Variants in EML6 observed in about 807,000 individuals in gnomAD.
EML6 encodes the protein EMAP like 6.
A neutral mutation model predicts 240.1 loss-of-function variants in EML6; 154 were observed. That is an observed-to-expected ratio of 0.64 (90% CI 0.56 to 0.73). The LOEUF (loss-of-function observed/expected upper bound fraction) is 0.73. EML6 is among the 30% of genes least tolerant of loss of function. The pLI, the probability that EML6 is intolerant of heterozygous loss-of-function variation, is 0.00. For synonymous variants in EML6, 1,148 were observed against 899.0 expected, an observed-to-expected ratio of 1.28 and a Z score of -4.95; for missense variants, 2,964 against 2,474.6, an observed-to-expected ratio of 1.20 and a Z score of -4.20.
At chr2:54,961,255 A>C (rs938786301) in intron 35 of EML6, among the ~76,000 whole-genome samples, 1 of 134,120 alleles carries the variant, frequency 7.5e-6, no homozygotes, top group Non-Finnish European at 1.5e-5. Flanking sequence ...CATGATCTCA[A>C]CTCACTGCAA....
chr2:54,923,594 G>A (rs1674381434), intron 26 of EML6, among the ~76,000 whole-genome samples: 2 of 152,052 alleles, frequency 1.3e-5, no homozygotes, highest in African/African-American at 2.4e-5. Flanking sequence ...GTTTCATCAT[G>A]CATATTACTA....
At chr2:54,757,753 C>T (rs1667804583) in intron 2 of EML6, among the ~76,000 whole-genome samples, 1 of 152,126 alleles carries the variant, frequency 6.6e-6, no homozygotes, top group Non-Finnish European at 1.5e-5. Flanking sequence ...TGAGCCTTTC[C>T]AGGTTTCCGG....
chr2:54,773,007 C>G (rs1668460662), intron 2 of EML6, among the ~76,000 whole-genome samples: 1 of 152,214 alleles, frequency 6.6e-6, no homozygotes, highest in Non-Finnish European at 1.5e-5. Context: ...ACTGACCTTT[C>G]CTTCTGTCCT....
rs759655982 is a variant in EML6 at position 54,950,696 on chromosome 2, G to A, written c.4130G>A (p.Arg1377Gln). Residue 1377 changes from arginine (R) to glutamine (Q), a missense_variant, in exon 30 of 42, where the codon CGA becomes CAA. By Grantham distance (43) the Arg-to-Gln change is conservative. Transcript: ENST00000356458. ...TTTGGCTACAGAGGTTTCGACTGTC[G>A]AAATAACCTGCATTACCTTAATGAT... ...HVFGYRGFDCRNNLHYLNDGA... is the reference protein window; with the variant it reads ...HVFGYRGFDCQNNLHYLNDGA... The A allele has an allele frequency of 9.0e-6, 14 of 1,551,450 alleles. No individual in the cohort carries two copies. The highest frequency in any genetic ancestry group is 4.1e-5 in the African/African-American group (3 of 73,014).
rs910948972 is a variant in EML6 at position 54,846,090 on chromosome 2, G to A, written c.1050-1396G>A. 1.1e-4 allele frequency among the ~76,000 whole-genome samples: 16 copies of A among 152,288 alleles called. 1 individual carries two copies. In the South Asian group the frequency reaches 3.3e-3, roughly 32 times the overall value. On this transcript the variant is annotated intron_variant, in intron 8 of 41. Coordinates refer to ENST00000356458, the MANE Select transcript of EML6 (RefSeq NM_001039753.4). The stretch of plus-strand genomic sequence containing the variant: ...GTTTGCTGAAAGCTTTGTTTGAGCT[G>A]CAATTGCCCCTCGTTTGCCACTTCT...
chr2:54,752,119 A>G (rs149377612), intron 2 of EML6, among the ~76,000 whole-genome samples: 5 of 152,268 alleles, frequency 3.3e-5, no homozygotes, highest in Admixed American at 2.0e-4. Context: ...TTTAAATTAC[A>G]TGCTCTACTT....
chr2:54,847,747 A>G lies in EML6; in HGVS notation c.1187+124A>G, dbSNP rs1382838205. ...ATTTAGCCATTCAAATAGGAATACT[A>G]TAGATCTACGATCCCCTATCTGTAA... is the stretch of plus-strand genomic sequence containing the variant. On this transcript the variant is annotated intron_variant, in intron 9 of 41. Transcript: ENST00000356458. The G allele has an allele frequency of 4.7e-5, 44 of 945,452 alleles. 1 individual carries two copies. Among genetic ancestry groups the G allele is most frequent in the African/African-American group, 1.4e-4 (7 of 51,830 alleles). 58.6% of individuals were successfully genotyped at this position (945,452 alleles called of 1,614,324 possible). A position where few individuals can be genotyped will look rare whatever the true frequency, so the allele number is the denominator to read the frequency against.
At chr2:54,826,822 A>G (rs751511623) in intron 5 of EML6, among the ~76,000 whole-genome samples, 4 of 152,230 alleles carry the variant, frequency 2.6e-5, no homozygotes, top group African/African-American at 9.6e-5. Flanking sequence ...CATTTCTACA[A>G]TGAAGATTTA....
intron 2 of EML6, among the ~76,000 whole-genome samples, chr2:54,730,492 C>G (rs558462615): frequency 1.3e-5 from 2 of 152,300 alleles, no homozygotes; most frequent in East Asian, 3.9e-4. Flanking sequence ...GTACCAGACA[C>G]TTCATGTATA....
In EML6 at chr2:54,864,773, C is replaced by G. The variant is rs546286474; in HGVS notation, c.1932+884C>G. ...GATAACAATGCTTACCTAGGCTTAT[C>G]TCCAAAGTGCACATTCTATGCACTA... On this transcript the variant is annotated intron_variant, in intron 13 of 41. Coordinates refer to ENST00000356458, the MANE Select transcript of EML6 (RefSeq NM_001039753.4). Among the ~76,000 whole-genome samples, 248 of 152,344 alleles carry G rather than the reference C, an allele frequency of 1.6e-3. 1 individual carries two copies. The highest frequency in any genetic ancestry group is 4.1e-3 in the Admixed American group (63 of 15,306).
chr2:54,945,384 C>G (rs1226587867), intron 28 of EML6, among the ~76,000 whole-genome samples: 2 of 150,778 alleles, frequency 1.3e-5, no homozygotes, highest in African/African-American at 4.9e-5. Flanking sequence ...CTGAAGAAAG[C>G]TGTTTCCTCC....
chr2:54,866,844 A>G lies in EML6; in HGVS notation c.2011A>G (p.Lys671Glu). 6.4e-7 allele frequency: 1 copy of G among 1,551,216 alleles called. No homozygotes were observed. ...NHAVPFLKRE[K>E]APEDSLKLQF... ...CGCAGTGCCCTTCCTCAAACGAGAAAAGGCTCCTGAGGACAGCTTGAAACT... is the reference window on the plus strand; with the variant it reads ...CGCAGTGCCCTTCCTCAAACGAGAAGAGGCTCCTGAGGACAGCTTGAAACT... Residue 671 changes from lysine (K) to glutamate (E), a missense_variant, in exon 14 of 42, where the codon AAG becomes GAG. Lys to Glu is a moderately conservative substitution (Grantham distance 56). Transcript: ENST00000356458.
At chr2:54,771,777 A>G (rs1442411022) in intron 2 of EML6, among the ~76,000 whole-genome samples, 2 of 152,226 alleles carry the variant, frequency 1.3e-5, no homozygotes, top group Non-Finnish European at 2.9e-5. Flanking sequence ...ATGATTATAC[A>G]CTGGGCAGCA....
chr2:54,912,704 C>G (rs1338250037), intron 25 of EML6, among the ~76,000 whole-genome samples: 1 of 152,204 alleles, frequency 6.6e-6, no homozygotes. Context: ...ATAATGGCTT[C>G]TAGCTACATC....
At chr2:54,799,650 G>C (rs936758328) in intron 2 of EML6, among the ~76,000 whole-genome samples, 1 of 152,164 alleles carries the variant, frequency 6.6e-6, no homozygotes. Context: ...GCTGTGCATG[G>C]TTGCTTTCAT....
chr2:54,928,223 C>G (rs918781962), intron 26 of EML6, 90 bp from the exon 27 acceptor site: 2 of 1,018,428 alleles, frequency 2.0e-6, no homozygotes, highest in Non-Finnish European at 3.0e-6. Flanking sequence ...GAACTGTTTC[C>G]TTTGTATCCA....
chr2:54,727,054 A>G (rs1395745493), intron 2 of EML6, among the ~76,000 whole-genome samples: 1 of 152,246 alleles, frequency 6.6e-6, no homozygotes, highest in Non-Finnish European at 1.5e-5. Flanking sequence ...CGTTGTTATG[A>G]CAAGCAGCCG....
intron 22 of EML6, among the ~76,000 whole-genome samples, chr2:54,902,401 C>T (rs1341302828): frequency 6.6e-6 from 1 of 151,968 alleles, no homozygotes; most frequent in Non-Finnish European, 1.5e-5. Context: ...AGAAGAGATA[C>T]TTAATTTTAT....
chr2:54,852,349 A>G (rs1034237566), intron 10 of EML6, among the ~76,000 whole-genome samples: 2 of 152,162 alleles, frequency 1.3e-5, no homozygotes, highest in Non-Finnish European at 2.9e-5. Context: ...AGAAATATGT[A>G]TTTCTTTGTT....
Sources: allele counts gnomAD v4.1 joint callset (sites outside exome capture counted in the v4.1 genomes callset), GRCh38; gene constraint gnomAD v4.1.1; transcripts MANE v1.5; gene names NCBI Gene and HGNC (gene_info 2026-07-23, HGNC 2026-07-21).